Variants in KAZN observed in about 807,000 individuals in gnomAD.
KAZN encodes the protein kazrin, periplakin interacting protein, also known as kazrin.
Under a neutral mutation model 87.4 loss-of-function variants are expected in KAZN, and 40 were observed. That is an observed-to-expected ratio of 0.46 (90% confidence interval 0.36 to 0.60). The LOEUF is 0.60. KAZN is among the 20% of genes least tolerant of loss of function. The probability of loss-of-function intolerance (pLI) is 0.00; values close to 1 mark genes in which losing one functional copy is unlikely to be tolerated. For missense variants in KAZN, 898 were observed against 1,073.9 expected (o/e 0.84, Z 2.29); for synonymous variants, 466 against 458.3 (o/e 1.02, Z -0.22).
chr1:14,508,417 C>T (rs1006804897), intron 2 of KAZN, among the ~76,000 whole-genome samples: 1 of 152,074 alleles, frequency 6.6e-6, no homozygotes, highest in Non-Finnish European at 1.5e-5. Context: ...TTATTAGGCT[C>T]GCAGATTCTA....
At chr1:14,470,345 G>A (rs771711081) in intron 2 of KAZN, among the ~76,000 whole-genome samples, 3 of 152,176 alleles carry the variant, frequency 2.0e-5, no homozygotes, top group Admixed American at 6.5e-5. Flanking sequence ...AATTACCGGG[G>A]AAGGTAGTAA....
chr1:14,488,857 C>T (rs1669493096), intron 2 of KAZN, among the ~76,000 whole-genome samples: 1 of 152,198 alleles, frequency 6.6e-6, no homozygotes, highest in African/African-American at 2.4e-5. Flanking sequence ...TTCTGGCTTT[C>T]CAATTTGGGG....
At position 15,077,773 on chromosome 1, in the gene KAZN, C is replaced by A. The variant is rs1351929079; in HGVS notation, c.1222+12020C>A. ...TATCAGCATGAAAAGCAGCTGCAGG[C>A]CTCCCAGGGATGCGGACAGGGGCTC... On this transcript the variant is annotated intron_variant, in intron 8 of 14. Coordinates refer to ENST00000376030, the MANE Select transcript of KAZN (RefSeq NM_201628.3). This position sits in a 1 kb window ranked among gnomAD's most constrained non-coding sequence, Gnocchi z 4.8. Among the ~76,000 whole-genome samples the A allele has an allele frequency of 2.0e-5, 3 of 152,170 alleles. No homozygotes were observed. Among genetic ancestry groups the A allele is most frequent in the Non-Finnish European group, 4.4e-5 (3 of 68,032 alleles).
At chr1:14,925,804 A>G (rs1361752262) in intron 1 of KAZN, among the ~76,000 whole-genome samples, 1 of 152,176 alleles carries the variant, frequency 6.6e-6, no homozygotes, top group African/African-American at 2.4e-5. Flanking sequence ...GTGTCAGGGC[A>G]GAGTAGTCCT....
intron 2 of KAZN, among the ~76,000 whole-genome samples, chr1:14,459,982 G>A (rs1320073171): frequency 6.6e-6 from 1 of 152,104 alleles, no homozygotes; most frequent in African/African-American, 2.4e-5. Flanking sequence ...GTAAGCTTTA[G>A]GCAGGTGATA....
Position 14,014,378 on chromosome 1 carries a change from A to C in KAZN, c.91+120622A>C, listed in dbSNP as rs534204163. ...ACAGAGTCCCCTGTCAAAATGACAG[A>C]AAAGGGTGAGGATGTCCAGCTGTCC... On this transcript the variant is annotated intron_variant, in intron 1 of 16. Coordinates refer to the KAZN transcript ENST00000636203. 2.0e-5 allele frequency among the ~76,000 whole-genome samples: 3 copies of C among 152,234 alleles called. No individual in the cohort carries two copies. The South Asian group carries it at 6.2e-4, about 32-fold the overall frequency.
At chr1:14,737,815 G>T (rs1436067022) in intron 1 of KAZN, among the ~76,000 whole-genome samples, 2 of 152,198 alleles carry the variant, frequency 1.3e-5, no homozygotes, top group Admixed American at 1.3e-4. Context: ...GCTGCCTGCA[G>T]TTCCTTGACA....
intron 1 of KAZN, among the ~76,000 whole-genome samples, chr1:14,617,692 G>A (rs1678362479): frequency 6.6e-6 from 1 of 152,214 alleles, no homozygotes; most frequent in African/African-American, 2.4e-5. Flanking sequence ...GTGTATTCAA[G>A]CTGTCCAGAG....
chr1:14,357,853 A>G (rs1265619552), intron 2 of KAZN, among the ~76,000 whole-genome samples: 44 of 152,130 alleles, frequency 2.9e-4, no homozygotes, highest in Admixed American at 2.9e-3. Flanking sequence ...TTTTGCACTG[A>G]TGTTCACCAG....
chr1:14,527,329 T>A (rs1671927760), intron 2 of KAZN, among the ~76,000 whole-genome samples: 2 of 152,134 alleles, frequency 1.3e-5, no homozygotes, highest in African/African-American at 4.8e-5. Context: ...GGTAGCCAGA[T>A]CACAAGGTCA....
chr1:14,630,595 G>T (rs943177697), intron 1 of KAZN, among the ~76,000 whole-genome samples: 1 of 152,176 alleles, frequency 6.6e-6, no homozygotes, highest in Non-Finnish European at 1.5e-5. Context: ...GCCATTGTGG[G>T]AGTTAAATGA....
At chr1:14,699,527 C>T (rs147200288) in intron 1 of KAZN, among the ~76,000 whole-genome samples, 3 of 152,154 alleles carry the variant, frequency 2.0e-5, no homozygotes, top group African/African-American at 7.2e-5. Context: ...ACATACCATC[C>T]GAAGACTTAG....
intron 1 of KAZN, among the ~76,000 whole-genome samples, chr1:14,942,649 G>A (rs984430517): frequency 6.6e-6 from 1 of 152,202 alleles, no homozygotes; most frequent in African/African-American, 2.4e-5. Context: ...CTGGCCAGGA[G>A]ACTGTAGTCC....
At chr1:14,849,995 T>C (rs7512706) in intron 1 of KAZN, among the ~76,000 whole-genome samples, 16,461 of 150,304 alleles carry the variant, frequency 0.11, 1,058 homozygotes, top group African/African-American at 0.17. Context: ...AGTACAGTGG[T>C]GTGATCTCGG....
At position 14,514,613 on chromosome 1, in the gene KAZN, A is replaced by T. The variant is rs1557770529; in HGVS notation, c.250-84370A>T. The stretch of plus-strand genomic sequence containing the variant: ...TTATATTTTATATATATATATATAT[A>T]TATATATATATATATATATATATAT... On this transcript the variant is annotated intron_variant, in intron 2 of 16. Transcript: ENST00000636203. Among the ~76,000 whole-genome samples, 401 of 45,992 alleles carry T rather than the reference A, an allele frequency of 8.7e-3. 3 individuals are homozygous for T. The highest frequency in any genetic ancestry group is 0.02 in the Admixed American group (52 of 2,638). 30.2% of individuals were successfully genotyped at this position (45,992 alleles called of 152,430 possible). A position where few individuals can be genotyped will look rare whatever the true frequency, so the allele number is the denominator to read the frequency against.
exon 1 of KAZN, chr1:13,893,438 A>G (rs777447746): frequency 3.5e-6 from 2 of 571,424 alleles, no homozygotes; most frequent in Non-Finnish European, 5.6e-6. Flanking sequence ...AAGATTTGCC[A>G]AGGCTTATAG....
chr1:14,359,554 G>A (rs1228429268), intron 2 of KAZN, among the ~76,000 whole-genome samples: 4 of 152,144 alleles, frequency 2.6e-5, no homozygotes, highest in East Asian at 1.9e-4. Context: ...AATTTGGCAC[G>A]TTTTTGCAGT....
intron 2 of KAZN, among the ~76,000 whole-genome samples, chr1:14,546,282 G>A (rs1439806696): frequency 2.6e-5 from 4 of 152,204 alleles, no homozygotes; most frequent in Non-Finnish European, 4.4e-5. Context: ...CATTTCAGTC[G>A]GGTTGTATGA....
At chr1:13,917,057 C>T (rs939399618) in intron 1 of KAZN, among the ~76,000 whole-genome samples, 4 of 152,170 alleles carry the variant, frequency 2.6e-5, no homozygotes, top group African/African-American at 9.7e-5. Flanking sequence ...GCCAGGCTTC[C>T]ATTCCCCTTG....
Sources: allele counts gnomAD v4.1 joint callset (sites outside exome capture counted in the v4.1 genomes callset), GRCh38; gene constraint gnomAD v4.1.1; non-coding constraint Gnocchi (gnomAD v3.1); transcripts MANE v1.5; gene names NCBI Gene and HGNC (gene_info 2026-07-23, HGNC 2026-07-21).